MPPED2: variants seen among roughly 807,000 people sequenced by gnomAD.
The protein encoded by MPPED2 is metallophosphoesterase MPPED2.
Under a neutral mutation model 33.0 loss-of-function variants are expected in MPPED2, and 5 were observed. The observed-to-expected ratio is 0.15, with a 90% CI of 0.08 to 0.32. The LOEUF (loss-of-function observed/expected upper bound fraction) is 0.32, where lower values mean the gene tolerates loss of function less well. MPPED2 is among the 10% of genes least tolerant of loss of function. MPPED2 has a pLI of 1.00. For missense variants in MPPED2, 275 were observed against 372.1 expected, an observed-to-expected ratio of 0.74 and a Z score of 2.15; for synonymous variants, 136 against 141.9, an observed-to-expected ratio of 0.96 and a Z score of 0.29.
intron 2 of MPPED2, among the ~76,000 whole-genome samples, chr11:30,579,841 A>C (rs1957087574): frequency 6.6e-6 from 1 of 151,032 alleles, no homozygotes. Flanking sequence ...AAAAAAAAAA[A>C]ACTACAGAAA....
intron 4 of MPPED2, among the ~76,000 whole-genome samples, chr11:30,467,611 C>T (rs1006650857): frequency 1.3e-5 from 2 of 152,066 alleles, no homozygotes; most frequent in African/African-American, 2.4e-5. Context: ...GAGCCAAGGT[C>T]GAGTGAACCC....
chr11:30,575,617 A>G (rs181452800), intron 2 of MPPED2, among the ~76,000 whole-genome samples: 1 of 152,288 alleles, frequency 6.6e-6, no homozygotes, highest in African/African-American at 2.4e-5. Flanking sequence ...AATTACAGAT[A>G]GCGCTTGATG....
intron 4 of MPPED2, among the ~76,000 whole-genome samples, chr11:30,445,028 T>A (rs1949742753): frequency 6.6e-6 from 1 of 152,234 alleles, no homozygotes; most frequent in Non-Finnish European, 1.5e-5. Context: ...AAATTAAGTT[T>A]GGGAGAGATG....
At chr11:30,522,187 G>A (rs1953909987) in intron 3 of MPPED2, among the ~76,000 whole-genome samples, 1 of 151,990 alleles carries the variant, frequency 6.6e-6, no homozygotes, top group African/African-American at 2.4e-5. Flanking sequence ...TGTCATAAAT[G>A]GCATGATTAA....
intron 4 of MPPED2, among the ~76,000 whole-genome samples, chr11:30,487,777 A>G (rs1951805341): frequency 6.6e-6 from 1 of 151,830 alleles, no homozygotes; most frequent in Admixed American, 6.6e-5. Context: ...CACCTGGCCA[A>G]TTTTTCTTTT....
intron 4 of MPPED2, among the ~76,000 whole-genome samples, chr11:30,430,466 C>A (rs1335826492): frequency 6.6e-6 from 1 of 152,070 alleles, no homozygotes; most frequent in African/African-American, 2.4e-5. Flanking sequence ...TATGTTTTTA[C>A]TTTTTAATGT....
chr11:30,527,361 G>C (rs1590722010), intron 3 of MPPED2, among the ~76,000 whole-genome samples: 1 of 147,368 alleles, frequency 6.8e-6, no homozygotes, highest in East Asian at 2.1e-4. Flanking sequence ...TTATGTGAAA[G>C]AGTTGTTTTT....
intron 2 of MPPED2, among the ~76,000 whole-genome samples, chr11:30,576,490 C>T (rs1956936594): frequency 1.3e-5 from 2 of 152,120 alleles, no homozygotes; most frequent in African/African-American, 4.8e-5. Flanking sequence ...TCCTATTGTC[C>T]TATGGCATTC....
In MPPED2 at chr11:30,580,365, A is replaced by G; in HGVS notation, c.9T>C (p.His3=). 1 of 1,614,110 alleles carries G rather than the reference A, an allele frequency of 6.2e-7. No individual in the cohort carries two copies. The highest frequency in any genetic ancestry group is 1.3e-5 in the African/African-American group (1 of 75,038). Reference sequence around the variant, plus strand: ...TAACTTTGCCTTGAGAAGGAATCCCATGTGCCATCCTTCCTCCCTATAGGC... The same window carrying G: ...TAACTTTGCCTTGAGAAGGAATCCCGTGTGCCATCCTTCCTCCCTATAGGC... MA[H]GIPSQGKVTI... Residue 3 remains histidine, a synonymous_variant, in exon 2 of 7, where the codon CAT becomes CAC. Coordinates refer to ENST00000358117, the MANE Select transcript of MPPED2 (RefSeq NM_001584.3).
At chr11:30,387,151 T>C (rs1012920985) in exon 7 of MPPED2, 1 of 172,086 alleles carries the variant, frequency 5.8e-6, no homozygotes, top group East Asian at 1.5e-4. Flanking sequence ...CTCTCATTAG[T>C]GAATCACACA....
chr11:30,530,815 G>A (rs1954479445), intron 3 of MPPED2, among the ~76,000 whole-genome samples: 1 of 152,164 alleles, frequency 6.6e-6, no homozygotes, highest in African/African-American at 2.4e-5. Flanking sequence ...AAAATTGAGG[G>A]AACAGTAAGT....
At chr11:30,508,449 T>C (rs182127356) in intron 3 of MPPED2, among the ~76,000 whole-genome samples, 45 of 152,308 alleles carry the variant, frequency 3.0e-4, no homozygotes, top group African/African-American at 1.1e-3. Context: ...GTTTGCTTCT[T>C]TTATGGGCTG....
intron 4 of MPPED2, among the ~76,000 whole-genome samples, chr11:30,482,281 G>A (rs188890179): frequency 6.6e-6 from 1 of 152,264 alleles, no homozygotes; most frequent in African/African-American, 2.4e-5. Flanking sequence ...TGATCCATCT[G>A]TACATTTTTG....
At chr11:30,390,656 C>T (rs564731038) in intron 6 of MPPED2, among the ~76,000 whole-genome samples, 1 of 152,308 alleles carries the variant, frequency 6.6e-6, no homozygotes, top group Admixed American at 6.5e-5. Flanking sequence ...ACAAAGTACC[C>T]CAAAACCTAG....
chr11:30,509,174 T>C (rs1047778077), intron 3 of MPPED2, among the ~76,000 whole-genome samples: 1 of 152,220 alleles, frequency 6.6e-6, no homozygotes, highest in African/African-American at 2.4e-5. Context: ...AAATCTGTTA[T>C]ACAGGGGCTT....
At chr11:30,563,376 T>C (rs1956313147) in intron 2 of MPPED2, among the ~76,000 whole-genome samples, 1 of 152,098 alleles carries the variant, frequency 6.6e-6, no homozygotes, top group African/African-American at 2.4e-5. Context: ...ACAATAGGGT[T>C]TGGGCTCCTA....
intron 2 of MPPED2, among the ~76,000 whole-genome samples, chr11:30,564,769 T>TA (rs1160015926): frequency 2.6e-5 from 4 of 152,154 alleles, no homozygotes; most frequent in African/African-American, 9.7e-5. Context: ...ACACTTATTT[T>TA]AAAAAATCTA....
intron 4 of MPPED2, among the ~76,000 whole-genome samples, chr11:30,454,423 G>C (rs1229885046): frequency 2.0e-5 from 3 of 151,852 alleles, no homozygotes. Context: ...TTTTCCCCGA[G>C]CATTTTTTGT....
In MPPED2 at chr11:30,498,506, C is replaced by G. The variant is rs375143130; in HGVS notation, c.311-2985G>C. On this transcript the variant is annotated intron_variant, in intron 3 of 6. Coordinates refer to ENST00000358117, the MANE Select transcript of MPPED2 (RefSeq NM_001584.3). ...CAGGTTGCTGTGAGCCGAGATTGAA[C>G]CACTGTACTCCAGCCTGGGTGACAA... 2.7e-5 allele frequency among the ~76,000 whole-genome samples: 4 copies of G among 150,398 alleles called. No homozygotes were observed. The South Asian group carries it at 6.3e-4, about 24-fold the overall frequency.
Sources: allele counts gnomAD v4.1 joint callset (sites outside exome capture counted in the v4.1 genomes callset), GRCh38; gene constraint gnomAD v4.1.1; transcripts MANE v1.5; gene names NCBI Gene and HGNC (gene_info 2026-07-23, HGNC 2026-07-21).